HS3ST5: variants seen among roughly 807,000 people sequenced by gnomAD.
HS3ST5 encodes the protein heparan sulfate glucosamine 3-O-sulfotransferase 5.
A neutral mutation model predicts 25.4 loss-of-function variants in HS3ST5; 10 were observed. That is an observed-to-expected ratio of 0.39 (90% CI 0.24 to 0.67). HS3ST5 has a LOEUF of 0.67. Ranked by LOEUF, HS3ST5 falls within the 30% of genes least tolerant of loss-of-function variation. The pLI, the probability that HS3ST5 is intolerant of heterozygous loss-of-function variation, is 0.44. For missense variants in HS3ST5, 324 were observed against 420.7 expected, an observed-to-expected ratio of 0.77 and a Z score of 2.01; for synonymous variants, 170 against 162.4, an observed-to-expected ratio of 1.05 and a Z score of -0.36.
chr6:114,294,630 A>C (rs1210947869), intron 1 of HS3ST5, among the ~76,000 whole-genome samples: 2 of 152,032 alleles, frequency 1.3e-5, no homozygotes, highest in South Asian at 4.2e-4. Flanking sequence ...TATTTTTAGT[A>C]GAGACGGGGT....
intron 3 of HS3ST5, among the ~76,000 whole-genome samples, chr6:114,105,180 C>A (rs1775933505): frequency 6.6e-6 from 1 of 152,160 alleles, no homozygotes; most frequent in Admixed American, 6.5e-5. Context: ...AAGAAGGCAG[C>A]AGCTCAAATG....
At chr6:114,250,629 A>T (rs1772617001) in intron 1 of HS3ST5, among the ~76,000 whole-genome samples, 1 of 152,180 alleles carries the variant, frequency 6.6e-6, no homozygotes, top group Non-Finnish European at 1.5e-5. Context: ...TTCACCAAGT[A>T]TATGACCATA....
intron 4 of HS3ST5, among the ~76,000 whole-genome samples, chr6:114,060,641 G>A (rs1419227208): frequency 6.6e-6 from 1 of 152,092 alleles, no homozygotes; most frequent in African/African-American, 2.4e-5. Flanking sequence ...ATTCTTTTTT[G>A]TAGGATTTAA....
chr6:114,326,738 ATTCTT>A (rs1776191004), intron 1 of HS3ST5, among the ~76,000 whole-genome samples: 1 of 152,108 alleles, frequency 6.6e-6, no homozygotes. Flanking sequence ...ATAAATCTCT[ATTCTT>A]AATAGGATTT....
intron 1 of HS3ST5, among the ~76,000 whole-genome samples, chr6:114,335,601 G>A (rs1227186149): frequency 3.3e-5 from 5 of 151,612 alleles, no homozygotes; most frequent in Non-Finnish European, 7.4e-5. Context: ...CTTATAAAGC[G>A]AGGCCTTGCA....
At chr6:114,283,493 G>T (rs1774211315) in intron 1 of HS3ST5, among the ~76,000 whole-genome samples, 1 of 151,774 alleles carries the variant, frequency 6.6e-6, no homozygotes, top group Non-Finnish European at 1.5e-5. Context: ...ACATATTTTT[G>T]CTATTATTAT....
intron 3 of HS3ST5, among the ~76,000 whole-genome samples, chr6:114,123,133 A>T (rs1055986575): frequency 6.6e-6 from 1 of 152,134 alleles, no homozygotes; most frequent in African/African-American, 2.4e-5. Context: ...TTGTATTTTT[A>T]GTAGAGACGG....
chr6:114,113,314 C>A (rs1776359890), intron 3 of HS3ST5, among the ~76,000 whole-genome samples: 1 of 152,116 alleles, frequency 6.6e-6, no homozygotes, highest in Admixed American at 6.6e-5. Context: ...ATCTCCACTG[C>A]AACCAGTAAA....
intron 2 of HS3ST5, among the ~76,000 whole-genome samples, chr6:114,224,050 G>A (rs1782165957): frequency 6.6e-6 from 1 of 151,398 alleles, no homozygotes; most frequent in African/African-American, 2.4e-5. Flanking sequence ...TCCCTCTTTT[G>A]TGTTAGTAAA....
chr6:114,065,363 C>T (rs1024040910), intron 3 of HS3ST5, among the ~76,000 whole-genome samples: 1 of 152,188 alleles, frequency 6.6e-6, no homozygotes, highest in African/African-American at 2.4e-5. Flanking sequence ...CTCAGTTAGA[C>T]CTGCGTGCTT....
At chr6:114,144,894 G>A (rs151322870) in intron 3 of HS3ST5, among the ~76,000 whole-genome samples, 1 of 152,322 alleles carries the variant, frequency 6.6e-6, no homozygotes, top group East Asian at 1.9e-4. Flanking sequence ...AAACGTTTAT[G>A]TCTGCCTAAC....
rs1330998511 is a variant in HS3ST5, at chr6:114,213,264, C to CTCCTT, written c.-145+15320_-145+15321insAAGGA. 2.9e-3 allele frequency among the ~76,000 whole-genome samples: 432 copies of CTCCTT among 146,588 alleles called. 4 individuals are homozygous for CTCCTT. Among genetic ancestry groups the CTCCTT allele is most frequent in the African/African-American group, 0.011 (420 of 39,236 alleles). On this transcript the variant is annotated intron_variant, in intron 2 of 4. Coordinates refer to ENST00000312719, the MANE Select transcript of HS3ST5 (RefSeq NM_153612.4). ...CTCTTCTCCTCTCCTCTCCTTTCCTCTCCTCTCCTCTTCTCTCCTTCTTTG... is the reference window on the plus strand; with the variant it reads ...CTCTTCTCCTCTCCTCTCCTTTCCTCTCCTTTCCTCTCCTCTTCTCTCCTTCTTTG...
chr6:114,238,790 G>A (rs1771973433), intron 1 of HS3ST5, among the ~76,000 whole-genome samples: 1 of 152,148 alleles, frequency 6.6e-6, no homozygotes, highest in Admixed American at 6.5e-5. Context: ...GACCAAGTTT[G>A]TTCCCCACAG....
At chr6:114,084,106 AC>A in intron 3 of HS3ST5, 1 of 565,354 alleles carries the variant, frequency 1.8e-6, no homozygotes, top group African/African-American at 1.9e-5. Context: ...TTTTTTAGAA[AC>A]TGATGTTTAT....
At position 114,281,241 on chromosome 6, in the gene HS3ST5, A is replaced by G. The variant is rs193036615; in HGVS notation, c.-338-52463T>C. Among the ~76,000 whole-genome samples, 8 of 152,158 alleles carry G rather than the reference A, an allele frequency of 5.3e-5. No homozygotes were observed. In the East Asian group the frequency reaches 1.6e-3, roughly 30 times the overall value. On this transcript the variant is annotated intron_variant, in intron 1 of 4. Coordinates refer to ENST00000312719, the MANE Select transcript of HS3ST5 (RefSeq NM_153612.4). The stretch of plus-strand genomic sequence containing the variant: ...TAGTATAACTTACATAATAACATGT[A>G]ACAAGAATCTTCAATTAAAATAACT...
At chr6:114,305,711 A>C (rs1775260436) in intron 1 of HS3ST5, among the ~76,000 whole-genome samples, 1 of 152,174 alleles carries the variant, frequency 6.6e-6, no homozygotes, top group African/African-American at 2.4e-5. Context: ...CTTCACGTGA[A>C]TATGTGGCAG....
At chr6:114,302,715 C>T (rs563519032) in intron 1 of HS3ST5, among the ~76,000 whole-genome samples, 3 of 152,146 alleles carry the variant, frequency 2.0e-5, no homozygotes, top group Non-Finnish European at 4.4e-5. Context: ...CGTCTTCATT[C>T]CTATAGCATC....
chr6:114,284,625 T>C (rs1023901203), intron 1 of HS3ST5, among the ~76,000 whole-genome samples: 2 of 151,980 alleles, frequency 1.3e-5, no homozygotes, highest in African/African-American at 4.8e-5. Flanking sequence ...GCTAAATCCT[T>C]CTTTAATATT....
intron 2 of HS3ST5, among the ~76,000 whole-genome samples, chr6:114,208,580 G>A (rs1488138530): frequency 6.6e-6 from 1 of 152,178 alleles, no homozygotes; most frequent in East Asian, 1.9e-4. Context: ...GCAGGGGCGA[G>A]TGTGCAACCC....
Sources: allele counts gnomAD v4.1 joint callset (sites outside exome capture counted in the v4.1 genomes callset), GRCh38; gene constraint gnomAD v4.1.1; transcripts MANE v1.5; gene names NCBI Gene and HGNC (gene_info 2026-07-23, HGNC 2026-07-21).